Variants in DLG1 observed in about 807,000 individuals in gnomAD.
The protein encoded by DLG1 is discs large MAGUK scaffold protein 1, also known as disks large homolog 1.
In DLG1, 42 loss-of-function variants were observed where a neutral mutation model predicts 123.4. The ratio of observed to expected loss-of-function variants is 0.34; its 90% confidence interval spans 0.27 to 0.44. The LOEUF (loss-of-function observed/expected upper bound fraction) is 0.44. DLG1 is among the 20% of genes least tolerant of loss of function. The pLI is 1.00. For synonymous variants in DLG1, 317 were observed against 356.2 expected (o/e 0.89, Z 1.24); for missense variants, 942 against 1,082.6 (o/e 0.87, Z 1.82).
At chr3:197,064,420 T>G (rs1312473034) in intron 22 of DLG1, among the ~76,000 whole-genome samples, 1 of 152,210 alleles carries the variant, frequency 6.6e-6, no homozygotes. Flanking sequence ...CTTGAACTCC[T>G]AACCTCAGGT....
At chr3:197,274,193 G>T (rs1765296190) in intron 4 of DLG1, among the ~76,000 whole-genome samples, 1 of 152,092 alleles carries the variant, frequency 6.6e-6, no homozygotes, top group Non-Finnish European at 1.5e-5. Flanking sequence ...CACATTACCT[G>T]ACCTACTACA....
chr3:197,283,007 T>C (rs1023166257), intron 3 of DLG1, among the ~76,000 whole-genome samples, 162 bp from the exon 4 acceptor site: 1 of 152,230 alleles, frequency 6.6e-6, no homozygotes, highest in African/African-American at 2.4e-5. Flanking sequence ...TATTTCATTA[T>C]ATCACAATCA....
intron 5 of DLG1, among the ~76,000 whole-genome samples, chr3:197,156,121 T>G (rs1027738063): frequency 6.6e-5 from 10 of 152,236 alleles, no homozygotes; most frequent in African/African-American, 1.4e-4. Flanking sequence ...TTTCTGTTTT[T>G]GGGCATACAA....
At chr3:197,127,477 T>C (rs1319051380) in intron 11 of DLG1, among the ~76,000 whole-genome samples, 1 of 93,984 alleles carries the variant, frequency 1.1e-5, no homozygotes, top group African/African-American at 4.4e-5. Context: ...TATATATATA[T>C]ATATATATAT....
intron 4 of DLG1, among the ~76,000 whole-genome samples, chr3:197,218,049 T>C (rs1172850024): frequency 6.6e-6 from 1 of 152,178 alleles, no homozygotes; most frequent in Non-Finnish European, 1.5e-5. Context: ...TCTTCTGTTA[T>C]TTACAAACAA....
chr3:197,120,459 G>A (rs1416442242), intron 11 of DLG1, among the ~76,000 whole-genome samples: 1 of 152,114 alleles, frequency 6.6e-6, no homozygotes, highest in African/African-American at 2.4e-5. Flanking sequence ...TAAGACACTT[G>A]AATTATTCCA....
chr3:197,297,462 A>C, intron 1 of DLG1: 1 of 1,345,118 alleles, frequency 7.4e-7, no homozygotes, highest in Non-Finnish European at 9.5e-7. Flanking sequence ...CGGCTTCCAA[A>C]CTCTCCTCGA....
intron 5 of DLG1, among the ~76,000 whole-genome samples, chr3:197,150,582 A>G (rs560583316): frequency 9.2e-5 from 14 of 152,292 alleles, no homozygotes; most frequent in South Asian, 8.3e-4. Flanking sequence ...ACCAAGTCAC[A>G]TAACACTTTC....
intron 4 of DLG1, among the ~76,000 whole-genome samples, chr3:197,279,295 A>G (rs1229833318): frequency 6.6e-6 from 1 of 152,198 alleles, no homozygotes; most frequent in African/African-American, 2.4e-5. Context: ...AGTGTGTTTC[A>G]AAACTATTTA....
At chr3:197,046,479 C>T (rs911625062) in intron 24 of DLG1, among the ~76,000 whole-genome samples, 1 of 152,206 alleles carries the variant, frequency 6.6e-6, no homozygotes, top group African/African-American at 2.4e-5. Flanking sequence ...GAGGACACAT[C>T]ATTACTTCAT....
chr3:197,298,211 G>A (rs550157016), intron 1 of DLG1: 31 of 303,452 alleles, frequency 1.0e-4, no homozygotes, highest in African/African-American at 6.0e-4. Flanking sequence ...CTCGCGCCGA[G>A]CCCCGGGCTC....
chr3:197,089,661 A>G (rs577656016), intron 15 of DLG1, among the ~76,000 whole-genome samples: 75 of 152,244 alleles, frequency 4.9e-4, no homozygotes, highest in African/African-American at 1.7e-3. Flanking sequence ...ATATTTAATC[A>G]AGTACAAATA....
chr3:197,059,294 A>T (rs904575005), intron 23 of DLG1, among the ~76,000 whole-genome samples: 4 of 152,336 alleles, frequency 2.6e-5, no homozygotes, highest in African/African-American at 9.6e-5. Context: ...TATAAAAATC[A>T]GCCTAGTTTA....
intron 19 of DLG1, 44 bp from the exon 20 acceptor site, chr3:197,066,798 T>A: frequency 7.7e-7 from 1 of 1,304,526 alleles, no homozygotes; most frequent in Non-Finnish European, 1.1e-6. Context: ...GTAAAGATAA[T>A]TGATGCTAAT....
chr3:197,067,305 A>T (rs568144139), intron 19 of DLG1, among the ~76,000 whole-genome samples: 17 of 152,066 alleles, frequency 1.1e-4, no homozygotes, highest in African/African-American at 4.1e-4. Flanking sequence ...TTGTAAAAAA[A>T]TAATAAATTT....
At chr3:197,278,929 T>C (rs1305678762) in intron 4 of DLG1, among the ~76,000 whole-genome samples, 1 of 152,340 alleles carries the variant, frequency 6.6e-6, no homozygotes, top group Non-Finnish European at 1.5e-5. Context: ...TTGGAAAAGA[T>C]TACTATATCC....
At chr3:197,102,166 C>T (rs963045159) in intron 14 of DLG1, among the ~76,000 whole-genome samples, 2 of 152,144 alleles carry the variant, frequency 1.3e-5, no homozygotes, top group African/African-American at 4.8e-5. Context: ...GATAATGTTC[C>T]TTCATATGTC....
chr3:197,294,601 T>A (rs369934004), intron 3 of DLG1, among the ~76,000 whole-genome samples: 3 of 141,846 alleles, frequency 2.1e-5, no homozygotes, highest in Non-Finnish European at 4.5e-5. Context: ...GAGCTTGCAG[T>A]GAGCGGAGAT....
At chr3:197,207,461 C>A (rs1158481322) in intron 4 of DLG1, among the ~76,000 whole-genome samples, 2 of 151,880 alleles carry the variant, frequency 1.3e-5, no homozygotes, top group African/African-American at 4.8e-5. Flanking sequence ...TTATCTTTAA[C>A]ATAATCCCAA....
Sources: allele counts gnomAD v4.1 joint callset (sites outside exome capture counted in the v4.1 genomes callset), GRCh38; gene constraint gnomAD v4.1.1; transcripts MANE v1.5; gene names NCBI Gene and HGNC (gene_info 2026-07-23, HGNC 2026-07-21).